Variants in CAMTA1 observed in about 807,000 individuals in gnomAD.
CAMTA1 encodes calmodulin-binding transcription activator 1.
A neutral mutation model predicts 170.9 loss-of-function variants in CAMTA1; 27 were observed. The observed-to-expected ratio is 0.16, with a 90% CI of 0.12 to 0.22. The LOEUF (loss-of-function observed/expected upper bound fraction) is 0.22, where lower values mean the gene tolerates loss of function less well. Among genes scored for constraint, CAMTA1 ranks in the 10% least tolerant of loss-of-function variants. The pLI is 1.00. For missense variants in CAMTA1, 1,619 were observed against 2,217.2 expected (o/e 0.73, Z 5.42); for synonymous variants, 833 against 891.5 (o/e 0.93, Z 1.17).
At chr1:7,088,618 C>T (rs778353559) in intron 3 of CAMTA1, among the ~76,000 whole-genome samples, 20 of 152,170 alleles carry the variant, frequency 1.3e-4, no homozygotes, top group Admixed American at 1.1e-3. Context: ...CTGGGGTGAG[C>T]GTTGGCTGAA....
chr1:7,181,876 A>G (rs1437478388), intron 4 of CAMTA1, among the ~76,000 whole-genome samples: 2 of 152,136 alleles, frequency 1.3e-5, no homozygotes, highest in East Asian at 3.8e-4. Flanking sequence ...TTCATATGAA[A>G]AGACAAACAT....
chr1:7,066,166 C>T (rs943570885), intron 3 of CAMTA1, among the ~76,000 whole-genome samples: 4 of 152,188 alleles, frequency 2.6e-5, no homozygotes, highest in Non-Finnish European at 4.4e-5. Flanking sequence ...TCTCTCTGGC[C>T]CTTTGATGCT....
intron 6 of CAMTA1, among the ~76,000 whole-genome samples, chr1:7,504,145 T>G (rs1371423648): frequency 6.6e-6 from 1 of 152,146 alleles, no homozygotes; most frequent in Non-Finnish European, 1.5e-5. Context: ...GTGTCCTCAC[T>G]GCGGGGAACG....
chr1:7,103,488 TAC>T lies in CAMTA1; in HGVS notation c.302+12123_302+12124del, dbSNP rs543204879. ...ATGTACACAACACACACTACACACG[TAC>T]ACACAACACAGATACACACTACACA... On this transcript the variant is annotated intron_variant, in intron 4 of 22. Coordinates refer to ENST00000303635, the MANE Select transcript of CAMTA1 (RefSeq NM_015215.4). 5.8e-3 allele frequency among the ~76,000 whole-genome samples: 727 copies of T among 125,796 alleles called. 5 individuals are homozygous for T. Among genetic ancestry groups the T allele is most frequent in the Admixed American group, 8.8e-3 (109 of 12,406 alleles). The allele number at this position is 125,796 out of a possible 152,430, so 82.5% of individuals were successfully genotyped here. A position where few individuals can be genotyped will look rare whatever the true frequency, so the allele number is the denominator to read the frequency against.
chr1:6,792,520 T>C (rs1364664262), intron 1 of CAMTA1, among the ~76,000 whole-genome samples: 1 of 152,098 alleles, frequency 6.6e-6, no homozygotes, highest in Non-Finnish European at 1.5e-5. Flanking sequence ...AGAAATATTA[T>C]GTACCCCATT....
At chr1:6,956,124 T>G (rs1238650221) in intron 3 of CAMTA1, among the ~76,000 whole-genome samples, 1 of 152,052 alleles carries the variant, frequency 6.6e-6, no homozygotes, top group Non-Finnish European at 1.5e-5. Flanking sequence ...CACCTGGAGG[T>G]CTATTGCATT....
chr1:7,744,825 C>T lies in CAMTA1; in HGVS notation c.4183-10C>T. 3 of 1,609,708 alleles carry T rather than the reference C, an allele frequency of 1.9e-6. No homozygotes were observed. The highest frequency in any genetic ancestry group is 2.5e-6 in the Non-Finnish European group (3 of 1,177,810). On this transcript the variant is annotated splice_polypyrimidine_tract_variant and intron_variant, in intron 16 of 22. Transcript: ENST00000303635. ...TCTAACCTGAGTGTTCTGTGAACTT[C>T]TGACTTCAGGTGAACATGATGACCT...
intron 3 of CAMTA1, among the ~76,000 whole-genome samples, chr1:6,831,296 T>G (rs1388797221): frequency 6.6e-6 from 1 of 152,208 alleles, no homozygotes; most frequent in Admixed American, 6.5e-5. Context: ...AACCTACTCT[T>G]GTTTCATAAT....
intron 5 of CAMTA1, among the ~76,000 whole-genome samples, chr1:7,335,881 T>C (rs1429116317): frequency 1.3e-5 from 2 of 152,072 alleles, no homozygotes; most frequent in Non-Finnish European, 2.9e-5. Flanking sequence ...ATTAATCTAT[T>C]GATGGTGGGG....
intron 6 of CAMTA1, among the ~76,000 whole-genome samples, chr1:7,548,181 G>A (rs569546722): frequency 3.3e-5 from 5 of 152,352 alleles, no homozygotes; most frequent in South Asian, 4.1e-4. Context: ...GTCATGCCCT[G>A]TATGGGTACT....
At chr1:7,597,844 T>C (rs1040871799) in intron 6 of CAMTA1, among the ~76,000 whole-genome samples, 3 of 152,222 alleles carry the variant, frequency 2.0e-5, no homozygotes, top group Admixed American at 6.5e-5. Context: ...AATTTTACTT[T>C]AAGTGTTGGG....
At chr1:7,351,668 G>C (rs2084683938) in intron 5 of CAMTA1, among the ~76,000 whole-genome samples, 1 of 152,192 alleles carries the variant, frequency 6.6e-6, no homozygotes, top group African/African-American at 2.4e-5. Context: ...TCTGTCGAGG[G>C]CATCGTCCCC....
intron 6 of CAMTA1, among the ~76,000 whole-genome samples, chr1:7,484,479 A>G (rs1463861667): frequency 1.3e-5 from 2 of 152,168 alleles, no homozygotes; most frequent in African/African-American, 4.8e-5. Context: ...ACAGGGTCGG[A>G]CATAGACCAG....
At chr1:7,160,352 G>T (rs184482906) in intron 4 of CAMTA1, among the ~76,000 whole-genome samples, 139 of 152,196 alleles carry the variant, frequency 9.1e-4, no homozygotes, top group African/African-American at 3.2e-3. Flanking sequence ...ATTGTCCAAA[G>T]TGGCTGTCTT....
In CAMTA1 at chr1:7,300,759, T is replaced by C. The variant is rs906166470; in HGVS notation, c.438+51133T>C. On this transcript the variant is annotated intron_variant, in intron 5 of 22. Coordinates refer to ENST00000303635, the MANE Select transcript of CAMTA1 (RefSeq NM_015215.4). The surrounding 1 kb of genome is among the most constrained non-coding windows in gnomAD (Gnocchi z 4.1). Reference sequence around the variant, plus strand: ...ATGATTGGCAGGCAATGAGAGGAAGTGTCGTGTTGTCCGTTGGTGACATTT... The same window carrying C: ...ATGATTGGCAGGCAATGAGAGGAAGCGTCGTGTTGTCCGTTGGTGACATTT... Among the ~76,000 whole-genome samples the C allele has an allele frequency of 1.3e-5, 2 of 152,154 alleles. No individual in the cohort carries two copies. The highest frequency in any genetic ancestry group is 2.9e-5 in the Non-Finnish European group (2 of 68,016).
intron 3 of CAMTA1, among the ~76,000 whole-genome samples, chr1:6,953,727 G>A (rs1247982587): frequency 6.6e-6 from 1 of 152,016 alleles, no homozygotes; most frequent in East Asian, 1.9e-4. Context: ...GCCTTTTAAG[G>A]GCCTTTTAAA....
chr1:6,975,603 AG>A (rs1170257511), intron 3 of CAMTA1, among the ~76,000 whole-genome samples: 1 of 152,106 alleles, frequency 6.6e-6, no homozygotes, highest in African/African-American at 2.4e-5. Context: ...GCAGGAGAGG[AG>A]GAGGTGGAGC....
chr1:7,187,780 G>A (rs984346606), intron 4 of CAMTA1, among the ~76,000 whole-genome samples: 3 of 152,124 alleles, frequency 2.0e-5, no homozygotes. Context: ...TCCCATTAGA[G>A]TGGGACCTGG....
chr1:7,028,975 T>A (rs2101058075), intron 3 of CAMTA1, among the ~76,000 whole-genome samples: 1 of 152,318 alleles, frequency 6.6e-6, no homozygotes, highest in South Asian at 2.1e-4. Flanking sequence ...GTGGAAAGTG[T>A]TATTGATTTG....
Sources: allele counts gnomAD v4.1 joint callset (sites outside exome capture counted in the v4.1 genomes callset), GRCh38; gene constraint gnomAD v4.1.1; non-coding constraint Gnocchi (gnomAD v3.1); transcripts MANE v1.5; gene names NCBI Gene and HGNC (gene_info 2026-07-23, HGNC 2026-07-21).